Variants in PRKCE observed in about 807,000 individuals in gnomAD.
PRKCE encodes protein kinase C epsilon.
In PRKCE, 16 loss-of-function variants were observed where a neutral mutation model predicts 85.4. The ratio of observed to expected loss-of-function variants is 0.19; its 90% CI spans 0.13 to 0.28. The LOEUF (loss-of-function observed/expected upper bound fraction) is 0.28, where lower values mean the gene tolerates loss of function less well. Ranked by LOEUF, PRKCE falls within the 10% of genes least tolerant of loss-of-function variation. PRKCE has a pLI of 1.00. For missense variants in PRKCE, 573 were observed against 975.2 expected (o/e 0.59, Z 5.49); for synonymous variants, 388 against 371.5 (o/e 1.04, Z -0.51).
intron 2 of PRKCE, among the ~76,000 whole-genome samples, chr2:45,937,998 G>A (rs1699599340): frequency 6.6e-6 from 1 of 152,198 alleles, no homozygotes; most frequent in Admixed American, 6.5e-5. Flanking sequence ...TCTACAGTGA[G>A]AGTAGCCTTT....
intron 2 of PRKCE, among the ~76,000 whole-genome samples, chr2:45,929,338 C>CCGCT (rs1164452247): frequency 6.6e-6 from 1 of 152,218 alleles, no homozygotes; most frequent in Non-Finnish European, 1.5e-5. Context: ...GATAGCGGAG[C>CCGCT]CGTTCCTCCC....
At chr2:45,800,385 C>A (rs899026113) in intron 1 of PRKCE, among the ~76,000 whole-genome samples, 4 of 152,244 alleles carry the variant, frequency 2.6e-5, no homozygotes, top group Non-Finnish European at 5.9e-5. Flanking sequence ...CTCGAGAGAG[C>A]AATCAGGTTG....
intron 5 of PRKCE, among the ~76,000 whole-genome samples, chr2:45,980,607 G>A (rs1702811178): frequency 6.6e-6 from 1 of 152,222 alleles, no homozygotes; most frequent in Non-Finnish European, 1.5e-5. Flanking sequence ...TATGCCAAGT[G>A]CAGTGTGATC....
intron 10 of PRKCE, among the ~76,000 whole-genome samples, chr2:46,026,835 C>G (rs1216712106): frequency 6.6e-6 from 1 of 152,144 alleles, no homozygotes; most frequent in Non-Finnish European, 1.5e-5. Flanking sequence ...ATAAAACCCC[C>G]AAACAGGCGA....
At chr2:46,182,428 T>TGGTCCTCCTGCCGGGGGCC (rs535134623) in intron 14 of PRKCE, among the ~76,000 whole-genome samples, 93 of 152,276 alleles carry the variant, frequency 6.1e-4, no homozygotes, top group African/African-American at 2.2e-3. Flanking sequence ...GGAGAACAGA[T>TGGTCCTCCTGCCGGGGGCC]GGTCCTCCTG....
At chr2:45,802,081 C>A (rs1296604767) in intron 1 of PRKCE, among the ~76,000 whole-genome samples, 2 of 133,376 alleles carry the variant, frequency 1.5e-5, no homozygotes, top group Non-Finnish European at 3.1e-5. Context: ...AAGACCCTAT[C>A]TTAAAAAAAA....
intron 2 of PRKCE, among the ~76,000 whole-genome samples, chr2:45,956,521 GAA>G (rs112737184): frequency 3.6e-5 from 5 of 137,374 alleles, no homozygotes; most frequent in Admixed American, 7.3e-5. Flanking sequence ...TCTCTACTAA[GAA>G]AAAAAAAAAA....
intron 1 of PRKCE, among the ~76,000 whole-genome samples, chr2:45,662,604 C>A (rs777648935): frequency 6.6e-6 from 1 of 151,904 alleles, no homozygotes; most frequent in African/African-American, 2.4e-5. Context: ...GCCTTGGCTA[C>A]GGTTAACCTT....
At chr2:45,813,849 G>A (rs1688827205) in intron 1 of PRKCE, among the ~76,000 whole-genome samples, 1 of 152,242 alleles carries the variant, frequency 6.6e-6, no homozygotes, top group Non-Finnish European at 1.5e-5. Flanking sequence ...CAGGGCATGT[G>A]TTCCAGATTG....
chr2:46,001,401 C>T lies in PRKCE; in HGVS notation c.824-3C>T, dbSNP rs1704671843. On this transcript the variant is annotated splice_polypyrimidine_tract_variant and splice_region_variant and intron_variant, in intron 6 of 14. Transcript: ENST00000306156. This position sits in a 1 kb window ranked among gnomAD's most constrained non-coding sequence, Gnocchi z 4.4. The stretch of plus-strand genomic sequence containing the variant: ...TCTGTCTTTTCTCCATGTCTCCTTA[C>T]AGTCTGCAAAATGAATGTTCACCGT... 4 of 1,598,682 alleles carry T rather than the reference C, an allele frequency of 2.5e-6. No homozygotes were observed. Among genetic ancestry groups the T allele is most frequent in the South Asian group, 1.1e-5 (1 of 90,976 alleles).
At chr2:45,770,681 C>T (rs1685247396) in intron 1 of PRKCE, 1 of 152,156 alleles carries the variant, frequency 6.6e-6, no homozygotes, top group African/African-American at 2.4e-5. Context: ...AGCGAGAAGC[C>T]CAGGGGCTGG....
chr2:45,915,168 C>A (rs575632809), intron 2 of PRKCE, among the ~76,000 whole-genome samples: 1 of 152,158 alleles, frequency 6.6e-6, no homozygotes, highest in East Asian at 1.9e-4. Flanking sequence ...GGATTACAGG[C>A]GTGAGCCACT....
intron 2 of PRKCE, among the ~76,000 whole-genome samples, chr2:45,850,716 G>A (rs1253532551): frequency 6.6e-6 from 1 of 152,150 alleles, no homozygotes; most frequent in Non-Finnish European, 1.5e-5. Context: ...TGACACTGGG[G>A]CTTTTATCTT....
intron 1 of PRKCE, among the ~76,000 whole-genome samples, chr2:45,763,984 A>C (rs922325603): frequency 1.3e-5 from 2 of 152,162 alleles, no homozygotes; most frequent in African/African-American, 4.8e-5. Context: ...CGTCTTGCTT[A>C]TGTTTTAGGT....
chr2:45,944,950 C>T (rs1021855344), intron 2 of PRKCE, among the ~76,000 whole-genome samples: 4 of 152,046 alleles, frequency 2.6e-5, no homozygotes, highest in African/African-American at 7.3e-5. Context: ...TGTTTTTGTG[C>T]CCTCAGCCTT....
At chr2:45,888,694 C>T (rs1695485908) in intron 2 of PRKCE, among the ~76,000 whole-genome samples, 1 of 152,096 alleles carries the variant, frequency 6.6e-6, no homozygotes, top group African/African-American at 2.4e-5. Context: ...TCTGGTGATC[C>T]ACCCGCTTTG....
chr2:46,118,751 G>C (rs966421871), intron 11 of PRKCE, among the ~76,000 whole-genome samples: 13 of 152,198 alleles, frequency 8.5e-5, no homozygotes, highest in African/African-American at 3.1e-4. Flanking sequence ...TAAAGCATAA[G>C]AATGAAGATC....
intron 2 of PRKCE, among the ~76,000 whole-genome samples, chr2:45,875,607 TG>T (rs1167492447): frequency 2.6e-5 from 4 of 152,216 alleles, no homozygotes; most frequent in Non-Finnish European, 4.4e-5. Flanking sequence ...TTGTTGTTGT[TG>T]TTGTTCTGCC....
At chr2:45,695,696 C>T (rs1483950562) in intron 1 of PRKCE, among the ~76,000 whole-genome samples, 2 of 152,094 alleles carry the variant, frequency 1.3e-5, no homozygotes, top group African/African-American at 2.4e-5. Context: ...TTCTTGAACC[C>T]GGAGGCGGAG....
Sources: gnomAD v4.1 joint callset for allele counts (sites outside exome capture counted in the v4.1 genomes callset) on GRCh38, gnomAD v4.1.1 for gene constraint, Gnocchi (gnomAD v3.1) non-coding constraint, MANE v1.5 for transcripts, NCBI Gene and HGNC (gene_info 2026-07-23, HGNC 2026-07-21) for gene names.